Variants in UNC80 observed in about 807,000 individuals in gnomAD.
UNC80 encodes unc-80 subunit of NALCN channel complex.
Under a neutral mutation model 384.6 loss-of-function variants are expected in UNC80, and 164 were observed. The ratio of observed to expected loss-of-function variants is 0.43; its 90% CI spans 0.38 to 0.49. The LOEUF (loss-of-function observed/expected upper bound fraction) is 0.49. UNC80 is among the 20% of genes least tolerant of loss of function. The probability of loss-of-function intolerance (pLI) is 0.00; values close to 1 mark genes in which losing one functional copy is unlikely to be tolerated. For synonymous variants in UNC80, 1,486 were observed against 1,527.8 expected, an observed-to-expected ratio of 0.97 and a Z score of 0.64; for missense variants, 3,330 against 4,143.0, an observed-to-expected ratio of 0.80 and a Z score of 5.39.
chr2:209,803,897 AT>A (rs1417276215), intron 7 of UNC80, among the ~76,000 whole-genome samples: 2 of 152,036 alleles, frequency 1.3e-5, no homozygotes, highest in Non-Finnish European at 2.9e-5. Context: ...AAGTCCCACT[AT>A]TTTTAAAAAC....
At chr2:209,965,409 T>C (rs2092713297) in intron 51 of UNC80, among the ~76,000 whole-genome samples, 2 of 152,100 alleles carry the variant, frequency 1.3e-5, no homozygotes, top group African/African-American at 4.8e-5. Context: ...TTTGAGATTT[T>C]CCAAAATAAA....
chr2:209,952,266 T>C (rs1185365696), intron 47 of UNC80, among the ~76,000 whole-genome samples: 3 of 152,114 alleles, frequency 2.0e-5, no homozygotes, highest in African/African-American at 7.2e-5. Flanking sequence ...AAATTAGAAA[T>C]GCTTTGAGGA....
chr2:209,813,453 A>G (rs2079510423), intron 7 of UNC80, 127 bp from the exon 8 acceptor site: 8 of 1,012,952 alleles, frequency 7.9e-6, no homozygotes, highest in Non-Finnish European at 1.1e-5. Context: ...ATATTAGAGT[A>G]AACTACGTAA....
rs1157753300 is a variant in UNC80 at position 209,872,345 on chromosome 2, C to T, written c.3628-413C>T. ...GCTCTTGGTTAAAATAAGACTGGTT[C>T]TAGAAATGGAATATTTGTTTGCTTC... On this transcript the variant is annotated intron_variant, in intron 22 of 64. Coordinates refer to ENST00000673920, the MANE Select transcript of UNC80 (RefSeq NM_001371986.1). The surrounding 1 kb of genome is among the most constrained non-coding windows in gnomAD (Gnocchi z 4.1). Among the ~76,000 whole-genome samples, 1 of 152,078 alleles carries T rather than the reference C, an allele frequency of 6.6e-6. No individual in the cohort carries two copies. The highest frequency in any genetic ancestry group is 1.5e-5 in the Non-Finnish European group (1 of 68,012).
At chr2:209,940,259 A>G (rs2124977560) in intron 43 of UNC80, among the ~76,000 whole-genome samples, 1 of 152,276 alleles carries the variant, frequency 6.6e-6, no homozygotes, top group Non-Finnish European at 1.5e-5. Flanking sequence ...GGAGGGAATG[A>G]ATTTCCTGGA....
intron 31 of UNC80, 138 bp downstream of exon 31, chr2:209,914,078 G>T: frequency 9.3e-7 from 1 of 1,075,306 alleles, no homozygotes; most frequent in Non-Finnish European, 1.3e-6. Context: ...GTAGACTCTA[G>T]AGCTGTGTGC....
At chr2:209,939,447 C>G in intron 42 of UNC80, 25 bp from the exon 43 acceptor site, 1 of 1,526,924 alleles carries the variant, frequency 6.5e-7, no homozygotes, top group Non-Finnish European at 8.8e-7. Context: ...TCCTTTTTGT[C>G]TGCTCCTGCT....
intron 47 of UNC80, among the ~76,000 whole-genome samples, chr2:209,947,816 C>T (rs1247863077): frequency 6.6e-6 from 1 of 152,256 alleles, no homozygotes; most frequent in Non-Finnish European, 1.5e-5. Context: ...AATGTTATCA[C>T]ATCTACATAA....
At position 209,872,632 on chromosome 2, in the gene UNC80, T is replaced by C. The variant is rs1211392262; in HGVS notation, c.3628-126T>C. 8 of 898,672 alleles carry C rather than the reference T, an allele frequency of 8.9e-6. No homozygotes were observed. The East Asian group carries it at 1.6e-4, about 18-fold the overall frequency. 55.7% of individuals were successfully genotyped at this position (898,672 alleles called of 1,614,324 possible). A position where few individuals can be genotyped will look rare whatever the true frequency, so the allele number is the denominator to read the frequency against. On this transcript the variant is annotated intron_variant, in intron 22 of 64. Transcript: ENST00000673920. The surrounding 1 kb of genome is among the most constrained non-coding windows in gnomAD (Gnocchi z 4.1). ...CATACTGACACCACCCTGGGAAATA[T>C]GGCCAATATAAATCAAAACATGAAG...
chr2:209,985,483 G>T (rs1460472197), intron 61 of UNC80, among the ~76,000 whole-genome samples: 2 of 152,208 alleles, frequency 1.3e-5, no homozygotes, highest in East Asian at 3.9e-4. Flanking sequence ...CTTATACAAA[G>T]AATGTCTGTT....
At chr2:209,922,510 T>TA (rs979224209) in intron 35 of UNC80, 127 bp downstream of exon 35, 33 of 1,182,156 alleles carry the variant, frequency 2.8e-5, no homozygotes, top group African/African-American at 4.6e-5. Flanking sequence ...CTTGACATTC[T>TA]AAAAAAAATT....
intron 21 of UNC80, among the ~76,000 whole-genome samples, chr2:209,844,450 CTT>C (rs36167891): frequency 1.2e-5 from 1 of 83,708 alleles, no homozygotes; most frequent in African/African-American, 6.7e-5. Flanking sequence ...TTGCTCTTTT[CTT>C]TTCTTTCTTT....
In UNC80 at chr2:209,921,675, C is replaced by T. The variant is rs1029859784; in HGVS notation, c.5519C>T (p.Pro1840Leu). 1.5e-5 allele frequency: 24 copies of T among 1,549,776 alleles called. No individual in the cohort carries two copies. Among genetic ancestry groups the T allele is most frequent in the Admixed American group, 2.0e-5 (1 of 50,658 alleles). Residue 1840 changes from proline to leucine, a missense_variant, in exon 34 of 65, where the codon CCG becomes CTG. Pro to Leu is a moderately conservative substitution (Grantham distance 98, BLOSUM62 -3). Transcript: ENST00000673920. Reference protein sequence around the residue: ...YEPTCTPNSEPEEEVEEVTNL... With the variant: ...YEPTCTPNSELEEEVEEVTNL... ...CCCACATGCACGCCCAACTCAGAAC[C>T]GGAAGAAGAAGGTGCCCTCTGCACA...
intron 22 of UNC80, among the ~76,000 whole-genome samples, chr2:209,861,790 G>C (rs1233779105): frequency 3.3e-5 from 5 of 151,936 alleles, no homozygotes; most frequent in Non-Finnish European, 7.4e-5. Context: ...GAATGTATCT[G>C]TTTCTTCTAG....
At position 209,878,157 on chromosome 2, in the gene UNC80, C is replaced by T. The variant is rs978510754; in HGVS notation, c.3976+68C>T. The T allele has an allele frequency of 4.3e-6, 6 of 1,392,400 alleles. No homozygotes were observed. The African/African-American group carries it at 7.4e-5, about 17-fold the overall frequency. 86.3% of individuals were successfully genotyped at this position (1,392,400 alleles called of 1,614,324 possible). On this transcript the variant is annotated intron_variant, in intron 24 of 64. Transcript: ENST00000673920. The stretch of plus-strand genomic sequence containing the variant: ...ACCTCTGCTTTAGGAGCACTTAATA[C>T]TTCTCTTTTCTCCTTCATATTCTTA...
intron 44 of UNC80, among the ~76,000 whole-genome samples, chr2:209,941,975 C>T (rs1303163111): frequency 1.3e-5 from 2 of 152,160 alleles, no homozygotes; most frequent in Non-Finnish European, 2.9e-5. Context: ...TCTACTGAAT[C>T]AGAAACTCAG....
intron 43 of UNC80, among the ~76,000 whole-genome samples, chr2:209,940,716 C>T (rs1488357483): frequency 1.4e-4 from 21 of 152,130 alleles, no homozygotes; most frequent in Admixed American, 1.3e-3. Context: ...ACTCAGGGGT[C>T]TGAAGCATGA....
chr2:209,840,417 ATTTG>A (rs1433148764), intron 19 of UNC80, 121 bp from the exon 20 acceptor site: 25 of 771,308 alleles, frequency 3.2e-5, no homozygotes, highest in Non-Finnish European at 4.7e-5. Flanking sequence ...ATTGAAAACA[ATTTG>A]TTTTTCTATT....
intron 29 of UNC80, among the ~76,000 whole-genome samples, chr2:209,908,595 A>C (rs1215088650): frequency 6.6e-6 from 1 of 152,210 alleles, no homozygotes; most frequent in African/African-American, 2.4e-5. Flanking sequence ...TTCAACCAAA[A>C]AGGAGAGAGG....
Sources: gnomAD v4.1 joint callset for allele counts (sites outside exome capture counted in the v4.1 genomes callset) on GRCh38, gnomAD v4.1.1 for gene constraint, Gnocchi (gnomAD v3.1) non-coding constraint, MANE v1.5 for transcripts, NCBI Gene and HGNC (gene_info 2026-07-23, HGNC 2026-07-21) for gene names.